Variants in TRHDE observed in about 807,000 individuals in gnomAD.
TRHDE encodes the protein thyrotropin releasing hormone degrading enzyme.
Under a neutral mutation model 125.7 loss-of-function variants are expected in TRHDE, and 72 were observed. The ratio of observed to expected loss-of-function variants is 0.57; its 90% CI spans 0.47 to 0.70. The LOEUF is 0.70. Among genes scored for constraint, TRHDE ranks in the 30% least tolerant of loss-of-function variants. TRHDE has a pLI of 0.00. For synonymous variants in TRHDE, 509 were observed against 509.1 expected, an observed-to-expected ratio of 1.00 and a Z score of 0.00; for missense variants, 1,110 against 1,327.1, an observed-to-expected ratio of 0.84 and a Z score of 2.54.
intron 6 of TRHDE, among the ~76,000 whole-genome samples, chr12:72,529,534 A>T (rs2130660): frequency 0.4 from 60,486 of 152,020 alleles, 14,447 homozygotes; most frequent in African/African-American, 0.66. Context: ...ACAATATGTA[A>T]AAAGCACAGT....
chr12:72,113,465 A>C (rs1347941389), intron 2 of TRHDE, among the ~76,000 whole-genome samples: 1 of 151,904 alleles, frequency 6.6e-6, no homozygotes, highest in Non-Finnish European at 1.5e-5. Context: ...TTTCTGCAAA[A>C]AATACGTAGT....
At chr12:72,611,736 G>C (rs563497677) in intron 12 of TRHDE, among the ~76,000 whole-genome samples, 9 of 152,286 alleles carry the variant, frequency 5.9e-5, no homozygotes, top group South Asian at 2.1e-4. Flanking sequence ...CTTTGACTGT[G>C]TAAGAGTTCT....
intron 3 of TRHDE, among the ~76,000 whole-genome samples, chr12:72,392,761 A>C (rs574150287): frequency 6.6e-6 from 1 of 152,294 alleles, no homozygotes; most frequent in Admixed American, 6.5e-5. Context: ...TAATAATATA[A>C]AAATTACAAA....
Position 72,615,609 on chromosome 12 carries a change from T to C in TRHDE, c.2322-3282T>C, listed in dbSNP as rs1872784319. Among the ~76,000 whole-genome samples, 3 of 152,160 alleles carry C rather than the reference T, an allele frequency of 2.0e-5. No individual in the cohort carries two copies. In the South Asian group the frequency reaches 6.2e-4, roughly 32 times the overall value. On this transcript the variant is annotated intron_variant, in intron 12 of 18. Coordinates refer to ENST00000261180, the MANE Select transcript of TRHDE (RefSeq NM_013381.3). ...CATATTGTGATGTCGTAGGCTTAAA[T>C]GCAAGTATATTAAATTATGTGGTTG...
chr12:72,136,689 G>A (rs2139311536), intron 2 of TRHDE, among the ~76,000 whole-genome samples: 1 of 152,364 alleles, frequency 6.6e-6, no homozygotes, highest in East Asian at 1.9e-4. Flanking sequence ...CCCACGGAGA[G>A]GGAATATCCA....
intron 2 of TRHDE, 79 bp from the exon 3 acceptor site, chr12:72,377,916 G>C (rs1199156019): frequency 9.8e-7 from 1 of 1,024,486 alleles, no homozygotes; most frequent in South Asian, 1.9e-5. Flanking sequence ...TAAGTGATTT[G>C]TGTAGATTCA....
intron 12 of TRHDE, among the ~76,000 whole-genome samples, chr12:72,601,687 A>G (rs1872213734): frequency 1.3e-5 from 2 of 152,162 alleles, no homozygotes; most frequent in South Asian, 4.1e-4. Flanking sequence ...TGTACCACAA[A>G]AAGATTATGG....
At chr12:72,351,191 A>G (rs1870565461) in intron 2 of TRHDE, among the ~76,000 whole-genome samples, 1 of 152,018 alleles carries the variant, frequency 6.6e-6, no homozygotes, top group Non-Finnish European at 1.5e-5. Context: ...CCTGCTTGTG[A>G]TAATCAGGTG....
intron 3 of TRHDE, among the ~76,000 whole-genome samples, chr12:72,439,850 T>C (rs1874917962): frequency 6.6e-6 from 1 of 151,904 alleles, no homozygotes; most frequent in Non-Finnish European, 1.5e-5. Context: ...CTTTCAACTT[T>C]CCTGACATAA....
chr12:72,488,819 T>C (rs1207953721), intron 5 of TRHDE, among the ~76,000 whole-genome samples: 1 of 151,862 alleles, frequency 6.6e-6, no homozygotes, highest in African/African-American at 2.4e-5. Flanking sequence ...CAGACCACAG[T>C]GGTCTGAAAC....
rs1879351587 is a variant in TRHDE, at chr12:72,273,582, G to T, written c.914+25G>T. On this transcript the variant is annotated intron_variant, in intron 1 of 18. Transcript: ENST00000261180. The surrounding 1 kb of genome is among the most constrained non-coding windows in gnomAD (Gnocchi z 5.3). ...GGTATGGAGGGAGGCGGTGCCCCGC[G>T]CTGCCCCACCCCGGCGCGCGGCTCG... 2 of 1,557,860 alleles carry T rather than the reference G, an allele frequency of 1.3e-6. No homozygotes were observed. The highest frequency in any genetic ancestry group is 1.3e-5 in the African/African-American group (1 of 74,080).
chr12:72,332,103 G>A (rs1162865443), intron 2 of TRHDE, among the ~76,000 whole-genome samples: 7 of 151,926 alleles, frequency 4.6e-5, no homozygotes, highest in African/African-American at 1.7e-4. Flanking sequence ...TGTATCCCAT[G>A]GTGAGAGCTG....
intron 5 of TRHDE, among the ~76,000 whole-genome samples, chr12:72,475,103 A>T (rs1876829350): frequency 6.6e-6 from 1 of 152,134 alleles, no homozygotes. Context: ...ATGCCTTTAA[A>T]TGACACTGAA....
chr12:72,542,023 G>A (rs921989952), intron 6 of TRHDE, among the ~76,000 whole-genome samples: 9 of 151,360 alleles, frequency 5.9e-5, no homozygotes, highest in Admixed American at 2.0e-4. Context: ...GAGTACTCCT[G>A]AATTACAGCT....
At chr12:72,309,258 A>T (rs144205084) in intron 2 of TRHDE, among the ~76,000 whole-genome samples, 3 of 152,190 alleles carry the variant, frequency 2.0e-5, no homozygotes, top group African/African-American at 7.2e-5. Flanking sequence ...TGAAAAGGAG[A>T]GAGAGAGATC....
At chr12:72,201,269 C>G (rs1452841883) in intron 2 of TRHDE, among the ~76,000 whole-genome samples, 1 of 151,990 alleles carries the variant, frequency 6.6e-6, no homozygotes, top group African/African-American at 2.4e-5. Context: ...GAACCAATAA[C>G]AGAGTTGTAA....
intron 2 of TRHDE, among the ~76,000 whole-genome samples, chr12:72,301,349 G>A (rs891979950): frequency 6.6e-6 from 1 of 152,084 alleles, no homozygotes; most frequent in Admixed American, 6.6e-5. Context: ...CATCAGAAGG[G>A]CCTCTGTGGG....
In TRHDE at chr12:72,665,749, A is replaced by T. The variant is rs1238596286; in HGVS notation, c.*2554A>T. On this transcript the variant is annotated 3_prime_UTR_variant, in exon 19 of 19. Coordinates refer to ENST00000261180, the MANE Select transcript of TRHDE (RefSeq NM_013381.3). Reference sequence around the variant, plus strand: ...CCAGCCATAGCAATTTGCTGTGCCAATATGTGTACAAAAAAGTAGTTTCAA... The same window carrying T: ...CCAGCCATAGCAATTTGCTGTGCCATTATGTGTACAAAAAAGTAGTTTCAA... The T allele has an allele frequency of 6.6e-6, 1 of 152,110 alleles. No homozygotes were observed. The highest frequency in any genetic ancestry group is 1.5e-5 in the Non-Finnish European group (1 of 67,994). The allele number at this position is 152,110 out of a possible 1,614,324, so 9.4% of individuals were successfully genotyped here. A position where few individuals can be genotyped will look rare whatever the true frequency, so the allele number is the denominator to read the frequency against.
At chr12:72,486,361 C>T (rs1877407541) in intron 5 of TRHDE, among the ~76,000 whole-genome samples, 1 of 152,154 alleles carries the variant, frequency 6.6e-6, no homozygotes, top group Non-Finnish European at 1.5e-5. Context: ...GCTTTGACTC[C>T]AAGTACCACG....
Sources: allele counts gnomAD v4.1 joint callset (sites outside exome capture counted in the v4.1 genomes callset), GRCh38; gene constraint gnomAD v4.1.1; non-coding constraint Gnocchi (gnomAD v3.1); transcripts MANE v1.5; gene names NCBI Gene and HGNC (gene_info 2026-07-23, HGNC 2026-07-21).